Variants in NEUROG3 observed in about 807,000 individuals in gnomAD.
The protein encoded by NEUROG3 is neurogenin 3, also known as neurogenin-3.
For synonymous variants in NEUROG3, 161 were observed against 139.2 expected (o/e 1.16, Z -1.10); for missense variants, 307 against 297.9 (o/e 1.03, Z -0.22).
Position 69,572,917 on chromosome 10 carries a change from G to C in NEUROG3, c.127C>G (p.Arg43Gly), listed in dbSNP as rs1384084189. The change falls in exon 2 of 2, where the codon CGG (arginine) becomes GGG (glycine). Residue 43 changes from arginine (R) to glycine (G), a missense_variant. Arg to Gly is a moderately radical substitution (Grantham distance 125). Coordinates refer to ENST00000242462, the MANE Select transcript of NEUROG3 (RefSeq NM_020999.4). ...TSAPPSPTRT[R>G]GNCAEAEEGG... The stretch of plus-strand genomic sequence containing the variant: ...TCTTCCGCCTCTGCGCAGTTCCCCC[G>C]TGTGCGAGTGGGGCTGGGCGGGGCG... The C allele has an allele frequency of 5.6e-6, 9 of 1,610,946 alleles. No individual in the cohort carries two copies. The highest frequency in any genetic ancestry group is 7.6e-6 in the Non-Finnish European group (9 of 1,179,422).
At position 69,571,735 on chromosome 10, in the gene NEUROG3, C is replaced by CG. The variant is rs1839210697; in HGVS notation, c.*663dup. The CG allele has an allele frequency of 6.6e-6, 1 of 152,232 alleles. No individual in the cohort carries two copies. The highest frequency in any genetic ancestry group is 6.5e-5 in the Admixed American group (1 of 15,282). The allele number at this position is 152,232 out of a possible 1,614,324, so 9.4% of individuals were successfully genotyped here. ...CCTGCAGCGCAGCTCACGTTTCAGG[C>CG]GCAGTTCGCAGGGAGGCTGGGGAGA... On this transcript the variant is annotated 3_prime_UTR_variant, in exon 2 of 2. Coordinates refer to ENST00000242462, the MANE Select transcript of NEUROG3 (RefSeq NM_020999.4).
rs1284481545 is a variant in NEUROG3, at chr10:69,573,063, G to A, written c.-1-19C>T. ...CGTCATCCTACGGCGGGGTCAGAGGGAAGGGTAAGTTTGAGTCCGTCACTG... is the reference window on the plus strand; with the variant it reads ...CGTCATCCTACGGCGGGGTCAGAGGAAAGGGTAAGTTTGAGTCCGTCACTG... On this transcript the variant is annotated intron_variant, in intron 1 of 1. Coordinates refer to ENST00000242462, the MANE Select transcript of NEUROG3 (RefSeq NM_020999.4). The A allele has an allele frequency of 6.2e-7, 1 of 1,610,142 alleles. No individual in the cohort carries two copies. Among genetic ancestry groups the A allele is most frequent in the South Asian group, 1.1e-5 (1 of 90,848 alleles).
In NEUROG3 at chr10:69,572,626, G is replaced by T. The variant is rs766165230; in HGVS notation, c.418C>A (p.Arg140Ser). The T allele has an allele frequency of 1.2e-6, 2 of 1,614,086 alleles. No individual in the cohort carries two copies. Among genetic ancestry groups the T allele is most frequent in the Non-Finnish European group, 1.7e-6 (2 of 1,179,938 alleles). ...NYIWALTQTL[R>S]IADHSLYALE... Reference sequence around the variant, plus strand: ...GCGTACAAGCTGTGGTCCGCTATGCGCAGCGTTTGAGTCAGCGCCCAGATG... The same window carrying T: ...GCGTACAAGCTGTGGTCCGCTATGCTCAGCGTTTGAGTCAGCGCCCAGATG... Residue 140 changes from arginine (R) to serine (S), a missense_variant, in exon 2 of 2, where the codon CGC becomes AGC. By Grantham distance (110) the Arg-to-Ser change is moderately radical. Coordinates refer to ENST00000242462, the MANE Select transcript of NEUROG3 (RefSeq NM_020999.4).
Position 69,573,018 on chromosome 10 carries a change from G to A in NEUROG3, c.26C>T (p.Pro9Leu), listed in dbSNP as rs557284155. Residue 9 changes from proline (P) to leucine (L), a missense_variant, in exon 2 of 2, where the codon CCC (proline) becomes CTC (leucine). Pro to Leu is a moderately conservative substitution (Grantham distance 98). Coordinates refer to ENST00000242462, the MANE Select transcript of NEUROG3 (RefSeq NM_020999.4). ...CGTCTCACGGGTCACTTGGACAGTG[G>A]GCGCACCCGAGGGTTGAGGCGTCAT... Reference protein sequence around the residue: MTPQPSGAPTVQVTRETER... With the variant: MTPQPSGALTVQVTRETER... 3.7e-6 allele frequency: 6 copies of A among 1,613,712 alleles called. No individual in the cohort carries two copies. The African/African-American group carries it at 6.7e-5, about 18-fold the overall frequency.
In NEUROG3 at chr10:69,573,361, C is replaced by T; in HGVS notation, c.-153G>A. 4.3e-6 allele frequency: 2 copies of T among 468,574 alleles called. No homozygotes were observed. The highest frequency in any genetic ancestry group is 7.6e-6 in the Non-Finnish European group (2 of 263,766). 29.0% of individuals were successfully genotyped at this position (468,574 alleles called of 1,614,324 possible). Reference sequence around the variant, plus strand: ...AGGAGAAAAGAAGAGAGAATGGGGTCCGAGGCCTCTGTCACGCTCTCTCTC... The same window carrying T: ...AGGAGAAAAGAAGAGAGAATGGGGTTCGAGGCCTCTGTCACGCTCTCTCTC... On this transcript the variant is annotated 5_prime_UTR_variant, in exon 1 of 2. Transcript: ENST00000242462.
At position 69,572,285 on chromosome 10, in the gene NEUROG3, G is replaced by T; in HGVS notation, c.*114C>A. 8.1e-7 allele frequency: 1 copy of T among 1,240,868 alleles called. No homozygotes were observed. The highest frequency in any genetic ancestry group is 1.1e-6 in the Non-Finnish European group (1 of 887,952). The allele number at this position is 1,240,868 out of a possible 1,614,324, so 76.9% of individuals were successfully genotyped here. On this transcript the variant is annotated 3_prime_UTR_variant, in exon 2 of 2. Transcript: ENST00000242462. Reference sequence around the variant, plus strand: ...CCGGCCAGGGGTCAGCCAGGGAGAAGCAGAAGGAACAAGTGCTTTTGAGGG... The same window carrying T: ...CCGGCCAGGGGTCAGCCAGGGAGAATCAGAAGGAACAAGTGCTTTTGAGGG...
Position 69,572,396 on chromosome 10 carries a change from C to CT in NEUROG3, c.*2dup. ...CCCACAGCCCAGCGACAGACAGGTC[C>CT]TTTCACAGAAAATCTGAGAAAGCCA... On this transcript the variant is annotated 3_prime_UTR_variant, in exon 2 of 2. Transcript: ENST00000242462. 1 of 1,584,356 alleles carries CT rather than the reference C, an allele frequency of 6.3e-7. No individual in the cohort carries two copies. The highest frequency in any genetic ancestry group is 8.5e-7 in the Non-Finnish European group (1 of 1,172,550).
Position 69,572,490 on chromosome 10 carries a change from G to C in NEUROG3, c.554C>G (p.Ala185Gly). Reference protein sequence around the residue: ...PVSQAGSLSPAASLEERPGLL... With the variant: ...PVSQAGSLSPGASLEERPGLL... ...CCCGGGTCGCTCCTCCAGCGACGCG[G>C]CGGGACTCAGGCTGCCAGCCTGGGA... The change falls in exon 2 of 2, where the codon GCC becomes GGC. Residue 185 changes from alanine to glycine, a missense_variant. Transcript: ENST00000242462. 1 of 1,590,038 alleles carries C rather than the reference G, an allele frequency of 6.3e-7. No homozygotes were observed. The highest frequency in any genetic ancestry group is 8.6e-7 in the Non-Finnish European group (1 of 1,168,884).
In NEUROG3 at chr10:69,572,598, A is replaced by G. The variant is rs371140464; in HGVS notation, c.446T>C (p.Leu149Pro). The G allele has an allele frequency of 2.0e-5, 33 of 1,613,740 alleles. No homozygotes were observed. In the African/African-American group the frequency reaches 4.1e-4, roughly 20 times the overall value. The change falls in exon 2 of 2, where the codon CTG becomes CCG. Residue 149 changes from leucine to proline, a missense_variant. Transcript: ENST00000242462. Reference sequence around the variant, plus strand: ...CCCGCAGTGCGGCGCCGGCGGCTCCAGCGCGTACAAGCTGTGGTCCGCTAT... The same window carrying G: ...CCCGCAGTGCGGCGCCGGCGGCTCCGGCGCGTACAAGCTGTGGTCCGCTAT... ...LRIADHSLYA[L>P]EPPAPHCGEL...
chr10:69,572,240 C>T lies in NEUROG3; in HGVS notation c.*159G>A. ...GGGCCGGGGAATGAACCCAGCCTGC[C>T]GCCCCCGTGGAGGCCTGGGCCGGCC... On this transcript the variant is annotated 3_prime_UTR_variant, in exon 2 of 2. Transcript: ENST00000242462. 1 of 815,152 alleles carries T rather than the reference C, an allele frequency of 1.2e-6. No individual in the cohort carries two copies. Among genetic ancestry groups the T allele is most frequent in the Non-Finnish European group, 1.9e-6 (1 of 529,570 alleles). The allele number at this position is 815,152 out of a possible 1,614,324, so 50.5% of individuals were successfully genotyped here.
At position 69,572,987 on chromosome 10, in the gene NEUROG3, C is replaced by A; in HGVS notation, c.57G>T (p.Arg19=). 1.2e-6 allele frequency: 2 copies of A among 1,613,672 alleles called. No individual in the cohort carries two copies. The highest frequency in any genetic ancestry group is 8.5e-7 in the Non-Finnish European group (1 of 1,180,024). Residue 19 remains arginine, a synonymous_variant, in exon 2 of 2, where the codon CGG becomes CGT. Transcript: ENST00000242462. ...CGTCTTCCGAGGCTCTGGGGAAGGA[C>A]CGCTCCGTCTCACGGGTCACTTGGA... ...PTVQVTRETE[R]SFPRASEDEV...
In NEUROG3 at chr10:69,572,388, G is replaced by A. The variant is rs1429318518; in HGVS notation, c.*11C>T. Reference sequence around the variant, plus strand: ...CCTTAGCACCCACAGCCCAGCGACAGACAGGTCCTTTCACAGAAAATCTGA... The same window carrying A: ...CCTTAGCACCCACAGCCCAGCGACAAACAGGTCCTTTCACAGAAAATCTGA... On this transcript the variant is annotated 3_prime_UTR_variant, in exon 2 of 2. Transcript: ENST00000242462. The A allele has an allele frequency of 1.9e-6, 3 of 1,582,302 alleles. No individual in the cohort carries two copies. In the East Asian group the frequency reaches 6.9e-5, roughly 36 times the overall value.
In NEUROG3 at chr10:69,572,508, G is replaced by C. The variant is rs779708344; in HGVS notation, c.536C>G (p.Ala179Gly). 1 of 1,594,388 alleles carries C rather than the reference G, an allele frequency of 6.3e-7. No individual in the cohort carries two copies. The highest frequency in any genetic ancestry group is 8.5e-7 in the Non-Finnish European group (1 of 1,170,762). ...CGACGCGGCGGGACTCAGGCTGCCA[G>C]CCTGGGAGACTGGGGAGTAGAGGGA... Reference protein sequence around the residue: ...WGSLYSPVSQAGSLSPAASLE... With the variant: ...WGSLYSPVSQGGSLSPAASLE... Residue 179 changes from alanine (A) to glycine (G), a missense_variant, in exon 2 of 2, where the codon GCT becomes GGT. By Grantham distance (60) the Ala-to-Gly change is moderately conservative. Coordinates refer to ENST00000242462, the MANE Select transcript of NEUROG3 (RefSeq NM_020999.4).
rs1839214088 is a variant in NEUROG3 at position 69,571,950 on chromosome 10, C to T, written c.*449G>A. On this transcript the variant is annotated 3_prime_UTR_variant, in exon 2 of 2. Transcript: ENST00000242462. Reference sequence around the variant, plus strand: ...GATCGGCAGCGTCTTTGGAGCAAGGCAAGGGGAGTAAGCGCTGAGAGACCA... The same window carrying T: ...GATCGGCAGCGTCTTTGGAGCAAGGTAAGGGGAGTAAGCGCTGAGAGACCA... 5.4e-6 allele frequency: 1 copy of T among 184,736 alleles called. No individual in the cohort carries two copies. Among genetic ancestry groups the T allele is most frequent in the African/African-American group, 2.4e-5 (1 of 42,106 alleles). The allele number at this position is 184,736 out of a possible 1,614,324, so 11.4% of individuals were successfully genotyped here.
Position 69,573,360 on chromosome 10 carries a change from T to A in NEUROG3, c.-152A>T. 1 of 467,098 alleles carries A rather than the reference T, an allele frequency of 2.1e-6. No individual in the cohort carries two copies. The highest frequency in any genetic ancestry group is 3.8e-6 in the Non-Finnish European group (1 of 262,832). The allele number at this position is 467,098 out of a possible 1,614,324, so 28.9% of individuals were successfully genotyped here. A position where few individuals can be genotyped will look rare whatever the true frequency, so the allele number is the denominator to read the frequency against. ...AAGGAGAAAAGAAGAGAGAATGGGGTCCGAGGCCTCTGTCACGCTCTCTCT... is the reference window on the plus strand; with the variant it reads ...AAGGAGAAAAGAAGAGAGAATGGGGACCGAGGCCTCTGTCACGCTCTCTCT... On this transcript the variant is annotated 5_prime_UTR_variant, in exon 1 of 2. Coordinates refer to ENST00000242462, the MANE Select transcript of NEUROG3 (RefSeq NM_020999.4).
intron 1 of NEUROG3, 75 bp from the exon 2 acceptor site, chr10:69,573,119 G>T: frequency 6.4e-7 from 1 of 1,552,200 alleles, no homozygotes; most frequent in Non-Finnish European, 8.8e-7. Flanking sequence ...GGCTAGGTGG[G>T]AAAAAACAAA....
In NEUROG3 at chr10:69,572,492, G is replaced by C; in HGVS notation, c.552C>G (p.Pro184=). 1 of 1,590,932 alleles carries C rather than the reference G, an allele frequency of 6.3e-7. No homozygotes were observed. The highest frequency in any genetic ancestry group is 1.8e-5 in the Admixed American group (1 of 56,510). The part of the protein sequence containing the change: ...SPVSQAGSLS[P]AASLEERPGL... ...CGGGTCGCTCCTCCAGCGACGCGGC[G>C]GGACTCAGGCTGCCAGCCTGGGAGA... The change falls in exon 2 of 2, where the codon CCC becomes CCG. Residue 184 remains proline, a synonymous_variant. Coordinates refer to ENST00000242462, the MANE Select transcript of NEUROG3 (RefSeq NM_020999.4).
rs775461471 is a variant in NEUROG3, at chr10:69,572,486, C to A, written c.558G>T (p.Ala186=). ...VSQAGSLSPA[A]SLEERPGLLG... is the part of the protein sequence containing the mutation. ...GCAGCCCGGGTCGCTCCTCCAGCGACGCGGCGGGACTCAGGCTGCCAGCCT... is the reference window on the plus strand; with the variant it reads ...GCAGCCCGGGTCGCTCCTCCAGCGAAGCGGCGGGACTCAGGCTGCCAGCCT... Residue 186 remains alanine, a synonymous_variant, in exon 2 of 2, where the codon GCG becomes GCT. Coordinates refer to ENST00000242462, the MANE Select transcript of NEUROG3 (RefSeq NM_020999.4). The A allele has an allele frequency of 1.3e-6, 2 of 1,589,190 alleles. No homozygotes were observed. Among genetic ancestry groups the A allele is most frequent in the South Asian group, 1.1e-5 (1 of 88,680 alleles).
In NEUROG3 at chr10:69,572,510, C is replaced by T; in HGVS notation, c.534G>A (p.Gln178=). 6.3e-7 allele frequency: 1 copy of T among 1,595,032 alleles called. No homozygotes were observed. Among genetic ancestry groups the T allele is most frequent in the Non-Finnish European group, 8.5e-7 (1 of 1,170,978 alleles). ...DWGSLYSPVS[Q]AGSLSPAASL... is the part of the protein sequence containing the mutation. Reference sequence around the variant, plus strand: ...ACGCGGCGGGACTCAGGCTGCCAGCCTGGGAGACTGGGGAGTAGAGGGACC... The same window carrying T: ...ACGCGGCGGGACTCAGGCTGCCAGCTTGGGAGACTGGGGAGTAGAGGGACC... Residue 178 remains glutamine (Q), a synonymous_variant, in exon 2 of 2, where the codon CAG becomes CAA. Coordinates refer to ENST00000242462, the MANE Select transcript of NEUROG3 (RefSeq NM_020999.4).
Sources: allele counts gnomAD v4.1 joint callset, GRCh38; gene constraint gnomAD v4.1.1; transcripts MANE v1.5; gene names NCBI Gene and HGNC (gene_info 2026-07-23, HGNC 2026-07-21).